The following RFX7 variants were observed in gnomAD, a reference collection of about 807,000 sequenced individuals.
RFX7 encodes DNA-binding protein RFX7.
RFX7 carries 26 observed loss-of-function variants against 111.8 expected under a neutral mutation model. The ratio of observed to expected loss-of-function variants is 0.23; its 90% CI spans 0.17 to 0.32. RFX7 has a LOEUF of 0.32. RFX7 is among the 10% of genes least tolerant of loss of function. RFX7 has a pLI of 1.00. For synonymous variants in RFX7, 624 were observed against 624.4 expected, an observed-to-expected ratio of 1.00 and a Z score of 0.01; for missense variants, 1,573 against 1,772.9, an observed-to-expected ratio of 0.89 and a Z score of 2.02.
At chr15:56,154,263 C>G (rs553986078) in intron 3 of RFX7, among the ~76,000 whole-genome samples, 45 of 152,248 alleles carry the variant, frequency 3.0e-4, no homozygotes, top group African/African-American at 1.0e-3. Flanking sequence ...ACTTTCTTCA[C>G]AGAATTGGAA....
intron 4 of RFX7, among the ~76,000 whole-genome samples, chr15:56,143,200 T>A (rs1365641008): frequency 6.6e-6 from 1 of 152,154 alleles, no homozygotes; most frequent in Non-Finnish European, 1.5e-5. Flanking sequence ...TACTTACCTG[T>A]TCATTTGCCT....
At chr15:56,191,362 G>T (rs776483329) in intron 2 of RFX7, among the ~76,000 whole-genome samples, 8 of 152,030 alleles carry the variant, frequency 5.3e-5, no homozygotes, top group Non-Finnish European at 8.8e-5. Context: ...ATAGACAAAG[G>T]AGTTAGAAGA....
At chr15:56,165,205 G>T (rs1414558761) in intron 3 of RFX7, among the ~76,000 whole-genome samples, 3 of 152,186 alleles carry the variant, frequency 2.0e-5, no homozygotes, top group African/African-American at 7.2e-5. Context: ...CTCACTTACT[G>T]CTGTGTGGCC....
intron 5 of RFX7, among the ~76,000 whole-genome samples, chr15:56,132,995 G>T (rs2042239190): frequency 6.6e-6 from 1 of 151,918 alleles, no homozygotes; most frequent in South Asian, 2.1e-4. Context: ...CATTAAAGAA[G>T]GCATTAGAAA....
At chr15:56,151,834 A>G (rs1343076047) in intron 3 of RFX7, among the ~76,000 whole-genome samples, 12 of 152,348 alleles carry the variant, frequency 7.9e-5, no homozygotes, top group Middle Eastern at 3.4e-3. Context: ...GCAAAGACAC[A>G]CATAGGCTCA....
intron 3 of RFX7, among the ~76,000 whole-genome samples, chr15:56,148,982 C>A (rs2042525692): frequency 6.6e-6 from 1 of 151,256 alleles, no homozygotes; most frequent in African/African-American, 2.4e-5. Context: ...ACTCGGGAGG[C>A]TGAGGCAGGA....
intron 8 of RFX7, among the ~76,000 whole-genome samples, chr15:56,098,617 A>G (rs1489911632): frequency 6.6e-6 from 1 of 152,236 alleles, no homozygotes; most frequent in African/African-American, 2.4e-5. Flanking sequence ...CAGGATTTTA[A>G]AATCAGGTGA....
intron 5 of RFX7, among the ~76,000 whole-genome samples, chr15:56,129,395 C>T (rs953883736): frequency 1.8e-4 from 27 of 151,086 alleles, no homozygotes; most frequent in Non-Finnish European, 3.0e-4. Context: ...AAAAAAAGTT[C>T]CAAATCAGGT....
intron 3 of RFX7, among the ~76,000 whole-genome samples, chr15:56,155,071 A>G (rs962472335): frequency 3.9e-5 from 6 of 152,206 alleles, no homozygotes; most frequent in African/African-American, 7.2e-5. Flanking sequence ...GGGAACCACA[A>G]TAAGATACCA....
chr15:56,232,775 G>A (rs754963822), intron 2 of RFX7, among the ~76,000 whole-genome samples: 1 of 152,108 alleles, frequency 6.6e-6, no homozygotes, highest in Non-Finnish European at 1.5e-5. Context: ...AATCTCTAGG[G>A]CAGGGGTAAA....
intron 4 of RFX7, among the ~76,000 whole-genome samples, chr15:56,143,301 A>G (rs1325432914): frequency 6.6e-6 from 1 of 151,704 alleles, no homozygotes; most frequent in Non-Finnish European, 1.5e-5. Flanking sequence ...TAATATATAT[A>G]TATACACACA....
chr15:56,223,428 A>G (rs2043447113), intron 2 of RFX7, among the ~76,000 whole-genome samples: 1 of 152,064 alleles, frequency 6.6e-6, no homozygotes. Context: ...GAGCTTACCT[A>G]TTGGATTTCC....
intron 5 of RFX7, among the ~76,000 whole-genome samples, chr15:56,132,654 A>G (rs1169270865): frequency 6.6e-6 from 1 of 152,106 alleles, no homozygotes; most frequent in Non-Finnish European, 1.5e-5. Context: ...CATAATAGTA[A>G]TGTTACAAGC....
rs141506664 is a variant in RFX7, at chr15:56,167,852, G to C, written c.195+11418C>G. On this transcript the variant is annotated intron_variant, in intron 3 of 9. Coordinates refer to ENST00000559447, the MANE Select transcript of RFX7 (RefSeq NM_022841.7). ...GCTATTTCACTTTAGTGAGCACACT[G>C]TAAGTTTTTAAAATGGCATTCAGAC... is the stretch of plus-strand genomic sequence containing the variant. Among the ~76,000 whole-genome samples the C allele has an allele frequency of 2.7e-3, 409 of 152,246 alleles. 1 individual carries two copies. Among genetic ancestry groups the C allele is most frequent in the African/African-American group, 9.5e-3 (394 of 41,560 alleles).
chr15:56,221,356 C>T (rs900942724), intron 2 of RFX7, among the ~76,000 whole-genome samples: 2 of 152,252 alleles, frequency 1.3e-5, no homozygotes, highest in South Asian at 4.2e-4. Flanking sequence ...TTTCGTTCAG[C>T]AGTGTTTTGT....
chr15:56,165,298 A>G (rs1430675748), intron 3 of RFX7, among the ~76,000 whole-genome samples: 1 of 152,186 alleles, frequency 6.6e-6, no homozygotes, highest in Non-Finnish European at 1.5e-5. Flanking sequence ...CTTAAAATAT[A>G]CCAACTACAA....
At chr15:56,119,693 C>T (rs535408494) in intron 5 of RFX7, among the ~76,000 whole-genome samples, 21 of 149,764 alleles carry the variant, frequency 1.4e-4, no homozygotes, top group African/African-American at 2.2e-4. Flanking sequence ...AGGAGAATCG[C>T]GTGAACCTGG....
intron 2 of RFX7, among the ~76,000 whole-genome samples, chr15:56,226,599 A>C (rs1596022600): frequency 1.3e-5 from 2 of 152,194 alleles, no homozygotes; most frequent in African/African-American, 4.8e-5. Context: ...CAAAGTGATA[A>C]AAGGAGCTGA....
intron 3 of RFX7, among the ~76,000 whole-genome samples, chr15:56,157,216 C>G (rs1473489058): frequency 6.6e-6 from 1 of 152,154 alleles, no homozygotes. Context: ...CATTTCCAGG[C>G]AGTCAAATCT....
Sources: allele counts gnomAD v4.1 joint callset (sites outside exome capture counted in the v4.1 genomes callset), GRCh38; gene constraint gnomAD v4.1.1; transcripts MANE v1.5; gene names NCBI Gene and HGNC (gene_info 2026-07-23, HGNC 2026-07-21).